Variants in TTC6 observed in about 807,000 individuals in gnomAD.
TTC6 encodes the protein tetratricopeptide repeat domain 6, also known as tetratricopeptide repeat protein 6.
TTC6 carries 172 observed loss-of-function variants against 210.4 expected under a neutral mutation model. The ratio of observed to expected loss-of-function variants is 0.82; its 90% CI spans 0.72 to 0.93. The LOEUF is 0.93. Among genes scored for constraint, TTC6 ranks in the 40% least tolerant of loss-of-function variants. TTC6 has a pLI of 0.00. For synonymous variants in TTC6, 804 were observed against 819.6 expected (o/e 0.98, Z 0.32); for missense variants, 2,414 against 2,318.1 (o/e 1.04, Z -0.85).
chr14:37,784,444 C>T (rs900860798), intron 14 of TTC6, among the ~76,000 whole-genome samples: 19 of 152,022 alleles, frequency 1.2e-4, no homozygotes, highest in African/African-American at 4.6e-4. Flanking sequence ...GATTACAACC[C>T]CTGCTTTTTT....
intron 1 of TTC6, 102 bp downstream of exon 3, chr14:37,623,105 G>T (rs1388543917): frequency 1.2e-6 from 1 of 824,922 alleles, no homozygotes; most frequent in African/African-American, 1.8e-5. Flanking sequence ...AGTGCATAAG[G>T]TGTCATGTAT....
chr14:37,610,092 G>T (rs1427475441), intron 2 of TTC6, among the ~76,000 whole-genome samples: 2 of 152,210 alleles, frequency 1.3e-5, no homozygotes, highest in Non-Finnish European at 2.9e-5. Flanking sequence ...CAGAAACCCA[G>T]AGAGGGAAAG....
exon 11 of TTC6, chr14:37,748,982 T>A (rs1258480195): frequency 6.5e-7 from 1 of 1,530,432 alleles, no homozygotes; most frequent in South Asian, 1.2e-5. Context: ...GAAATATTTG[T>A]TCAAAGTTCC....
At chr14:37,809,428 A>G (rs34496783) in intron 24 of TTC6, among the ~76,000 whole-genome samples, 5,075 of 151,918 alleles carry the variant, frequency 0.033, 133 homozygotes, top group Non-Finnish European at 0.052. Context: ...AATTTTTTGT[A>G]TTTTTAGTAG....
chr14:37,659,151 AC>A (rs1256305028), intron 1 of TTC6, among the ~76,000 whole-genome samples: 1 of 152,082 alleles, frequency 6.6e-6, no homozygotes, highest in Non-Finnish European at 1.5e-5. Context: ...CATGGTATAT[AC>A]GTACCACATT....
chr14:37,647,618 A>G (rs2095703925), intron 1 of TTC6, among the ~76,000 whole-genome samples: 1 of 152,188 alleles, frequency 6.6e-6, no homozygotes, highest in Admixed American at 6.6e-5. Flanking sequence ...GAGGTGCCTA[A>G]TATACTTCCA....
At chr14:37,758,404 T>A (rs1251488809) in intron 14 of TTC6, among the ~76,000 whole-genome samples, 1 of 152,238 alleles carries the variant, frequency 6.6e-6, no homozygotes, top group Admixed American at 6.5e-5. Flanking sequence ...GATAGTTAGC[T>A]CTTCTTGTTG....
chr14:37,668,236 A>C (rs1357365356), intron 1 of TTC6, among the ~76,000 whole-genome samples: 1 of 150,544 alleles, frequency 6.6e-6, no homozygotes, highest in African/African-American at 2.4e-5. Context: ...CCTTACTAGC[A>C]TTATTTTTTT....
intron 14 of TTC6, among the ~76,000 whole-genome samples, chr14:37,787,062 T>C (rs984146536): frequency 2.6e-5 from 4 of 152,160 alleles, no homozygotes; most frequent in African/African-American, 9.6e-5. Flanking sequence ...CTAAAACTTC[T>C]ACTCACTAGG....
chr14:37,622,354 C>T lies in TTC6; in HGVS notation c.290C>T (p.Ala97Val), dbSNP rs1187596067. Residue 97 changes from alanine to valine, a missense_variant, in exon 1 of 31, where the codon GCG becomes GTG. Ala to Val is a moderately conservative substitution (Grantham distance 64, BLOSUM62 0). Coordinates refer to ENST00000553443, the Ensembl canonical transcript of TTC6. The stretch of plus-strand genomic sequence containing the variant: ...CTCCTGCAGGAGGTGCTCGGAGGCG[C>T]GCCGCGTCCCTCGGGCCTGGGTGAG... 5 of 1,531,180 alleles carry T rather than the reference C, an allele frequency of 3.3e-6. No individual in the cohort carries two copies. The South Asian group carries it at 6.0e-5, about 18-fold the overall frequency. 94.8% of individuals were successfully genotyped at this position (1,531,180 alleles called of 1,614,324 possible).
At chr14:37,805,291 A>C (rs2096115712) in intron 21 of TTC6, among the ~76,000 whole-genome samples, 1 of 152,176 alleles carries the variant, frequency 6.6e-6, no homozygotes, top group Non-Finnish European at 1.5e-5. Context: ...ATTATTACAT[A>C]TTTATCCAGT....
intron 14 of TTC6, among the ~76,000 whole-genome samples, chr14:37,779,154 G>C (rs111725178): frequency 3.3e-5 from 5 of 152,170 alleles, no homozygotes; most frequent in Non-Finnish European, 7.3e-5. Context: ...CCTTTCCCCA[G>C]GAGTCACTGG....
intron 3 of TTC6, among the ~76,000 whole-genome samples, chr14:37,690,693 A>G (rs187945207): frequency 6.6e-6 from 1 of 152,276 alleles, no homozygotes; most frequent in East Asian, 1.9e-4. Context: ...AGTTTTCATT[A>G]TATATGCACC....
At position 37,776,213 on chromosome 14, in the gene TTC6, G is replaced by A. The variant is rs527588918; in HGVS notation, c.3267-11255G>A. 2.7e-5 allele frequency among the ~76,000 whole-genome samples: 4 copies of A among 147,458 alleles called. 2 individuals carry two copies. In the East Asian group the frequency reaches 8.1e-4, roughly 30 times the overall value. ...CTACAGGCGCCCGCCACCGCGCCCG[G>A]CTAATTTTTTGTCTTTTTAGTAGAG... is the stretch of plus-strand genomic sequence containing the variant. On this transcript the variant is annotated intron_variant, in intron 14 of 30. Coordinates refer to ENST00000553443, the Ensembl canonical transcript of TTC6.
At chr14:37,632,167 A>G (rs1430573870) in intron 1 of TTC6, among the ~76,000 whole-genome samples, 2 of 152,174 alleles carry the variant, frequency 1.3e-5, no homozygotes, top group African/African-American at 4.8e-5. Flanking sequence ...GATGGCAAGT[A>G]GTTGTGATCC....
chr14:37,784,735 G>T lies in TTC6; in HGVS notation c.3267-2733G>T, dbSNP rs11844940. ...CTAGCATCGATGGTCTTTACAATTTGTCATGTTTTTGCAGTGGCTGGTACT... is the reference window on the plus strand; with the variant it reads ...CTAGCATCGATGGTCTTTACAATTTTTCATGTTTTTGCAGTGGCTGGTACT... On this transcript the variant is annotated intron_variant, in intron 14 of 30. Transcript: ENST00000553443. Among the ~76,000 whole-genome samples, 781 of 152,244 alleles carry T rather than the reference G, an allele frequency of 5.1e-3. 3 individuals are homozygous for T. Among genetic ancestry groups the T allele is most frequent in the African/African-American group, 0.018 (748 of 41,542 alleles).
At chr14:37,716,979 G>C (rs1024917308) in intron 6 of TTC6, among the ~76,000 whole-genome samples, 2 of 151,954 alleles carry the variant, frequency 1.3e-5, no homozygotes, top group Non-Finnish European at 2.9e-5. Context: ...AAACAGTACA[G>C]CTATAAATAA....
chr14:37,842,375 C>T, exon 31 of TTC6: 1 of 1,260,320 alleles, frequency 7.9e-7, no homozygotes, highest in Non-Finnish European at 1.0e-6. Context: ...AAGGTTCTAC[C>T]ATTTTCATTA....
chr14:37,751,082 A>G, exon 13 of TTC6: 2 of 1,523,184 alleles, frequency 1.3e-6, no homozygotes, highest in Non-Finnish European at 8.8e-7. Flanking sequence ...AGAAATTTAC[A>G]GGGGAAAAAA....
Sources: gnomAD v4.1 joint callset for allele counts (sites outside exome capture counted in the v4.1 genomes callset) on GRCh38, gnomAD v4.1.1 for gene constraint, MANE v1.5 for transcripts, NCBI Gene and HGNC (gene_info 2026-07-23, HGNC 2026-07-21) for gene names.